The following MORC1 variants were observed in gnomAD, a reference collection of about 807,000 sequenced individuals.
The protein encoded by MORC1 is MORC family CW-type zinc finger protein 1.
In MORC1, 59 loss-of-function variants were observed where a neutral mutation model predicts 134.9. The ratio of observed to expected loss-of-function variants is 0.44; its 90% CI spans 0.35 to 0.54. The LOEUF (loss-of-function observed/expected upper bound fraction) is 0.54, where lower values mean the gene tolerates loss of function less well. MORC1 is among the 20% of genes least tolerant of loss of function. The probability of loss-of-function intolerance (pLI) is 0.00; values close to 1 mark genes in which losing one functional copy is unlikely to be tolerated. For synonymous variants in MORC1, 395 were observed against 391.7 expected, an observed-to-expected ratio of 1.01 and a Z score of -0.10; for missense variants, 947 against 1,134.5, an observed-to-expected ratio of 0.83 and a Z score of 2.37.
chr3:108,962,163 T>C (rs1947097657), intron 27 of MORC1, among the ~76,000 whole-genome samples: 1 of 152,034 alleles, frequency 6.6e-6, no homozygotes, highest in Admixed American at 6.6e-5. Context: ...TACCTTTATA[T>C]AAAAATTAGC....
At chr3:109,072,970 C>CACAT (rs1950350924) in intron 8 of MORC1, among the ~76,000 whole-genome samples, 2 of 89,044 alleles carry the variant, frequency 2.2e-5, no homozygotes, top group South Asian at 7.2e-4. Context: ...CACACATACA[C>CACAT]ACACACACAC....
chr3:109,029,049 G>A (rs967770077), intron 16 of MORC1, among the ~76,000 whole-genome samples: 1 of 152,164 alleles, frequency 6.6e-6, no homozygotes, highest in African/African-American at 2.4e-5. Context: ...ATCTGAAACA[G>A]TGAGGGAAAA....
At chr3:109,115,515 T>C (rs1951252026) in intron 1 of MORC1, among the ~76,000 whole-genome samples, 1 of 152,100 alleles carries the variant, frequency 6.6e-6, no homozygotes, top group African/African-American at 2.4e-5. Flanking sequence ...AAGAAAGCCA[T>C]TATAAAAATG....
chr3:108,969,115 A>T (rs1215138827), intron 26 of MORC1, among the ~76,000 whole-genome samples: 1 of 152,164 alleles, frequency 6.6e-6, no homozygotes, highest in Admixed American at 6.6e-5. Context: ...TTAAAAAAAA[A>T]TCTACCCAGA....
intron 8 of MORC1, among the ~76,000 whole-genome samples, chr3:109,091,213 G>T (rs1210338943): frequency 6.6e-6 from 1 of 151,898 alleles, no homozygotes; most frequent in East Asian, 1.9e-4. Flanking sequence ...GCAGGCTGGG[G>T]GAGTAGATCA....
chr3:108,996,286 G>GCGCGCGCACA, intron 21 of MORC1, among the ~76,000 whole-genome samples: 34 of 146,468 alleles, frequency 2.3e-4, no homozygotes, highest in Middle Eastern at 3.5e-3. Context: ...GCGCGCGCGC[G>GCGCGCGCACA]CACACACACA....
intron 18 of MORC1, among the ~76,000 whole-genome samples, chr3:109,005,587 A>T (rs541589060): frequency 1.3e-5 from 2 of 152,254 alleles, no homozygotes; most frequent in South Asian, 4.2e-4. Context: ...GTGCATTCTG[A>T]CTTTCCCCCA....
intron 17 of MORC1, among the ~76,000 whole-genome samples, chr3:109,010,967 G>A (rs1948667554): frequency 1.3e-5 from 2 of 152,200 alleles, no homozygotes; most frequent in Non-Finnish European, 2.9e-5. Flanking sequence ...AAGCACACAT[G>A]TACAAGTTTT....
At chr3:108,988,670 GT>G (rs1444851256) in intron 21 of MORC1, among the ~76,000 whole-genome samples, 1 of 151,980 alleles carries the variant, frequency 6.6e-6, no homozygotes, top group African/African-American at 2.4e-5. Flanking sequence ...TAAGCACTTT[GT>G]TATAATCCAT....
chr3:108,963,286 CAG>C (rs1184604167), intron 27 of MORC1, 126 bp downstream of exon 27: 1 of 682,542 alleles, frequency 1.5e-6, no homozygotes, highest in Admixed American at 2.9e-5. Flanking sequence ...AATCCTTATG[CAG>C]AGAGTAAGGG....
At chr3:109,069,285 T>C (rs924057143) in intron 9 of MORC1, among the ~76,000 whole-genome samples, 1 of 152,172 alleles carries the variant, frequency 6.6e-6, no homozygotes, top group South Asian at 2.1e-4. Flanking sequence ...ATATATATGG[T>C]TTAATAGTTC....
rs1949362185 is a variant in MORC1 at position 109,035,599 on chromosome 3, G to A, written c.1331-131C>T. ...TATTAATACATATACAGAAATAAGA[G>A]ATTAAAATATCAATATTGGTTGTCT... On this transcript the variant is annotated intron_variant, in intron 14 of 27. Coordinates refer to ENST00000232603, the MANE Select transcript of MORC1 (RefSeq NM_014429.4). 1.8e-5 allele frequency: 9 copies of A among 502,160 alleles called. No homozygotes were observed. The East Asian group carries it at 3.1e-4, about 17-fold the overall frequency. The allele number at this position is 502,160 out of a possible 1,614,324, so 31.1% of individuals were successfully genotyped here.
chr3:109,084,270 C>T (rs528885163), intron 8 of MORC1, among the ~76,000 whole-genome samples: 3 of 152,198 alleles, frequency 2.0e-5, no homozygotes, highest in East Asian at 1.9e-4. Flanking sequence ...AAAGACACCA[C>T]CAGCAAACTG....
At chr3:109,012,159 GAT>G (rs71106620) in intron 17 of MORC1, among the ~76,000 whole-genome samples, 7,944 of 152,168 alleles carry the variant, frequency 0.052, 479 homozygotes, top group African/African-American at 0.14. Context: ...TATTTTGGGG[GAT>G]ATATGGCTAT....
At position 109,069,909 on chromosome 3, in the gene MORC1, CA is replaced by C. The variant is rs1269372213; in HGVS notation, c.690-153del. ...AAACTAATGACACCACAAACACCAG[CA>C]AATATCACAACACTCACTTCATTAA... is the stretch of plus-strand genomic sequence containing the variant. On this transcript the variant is annotated intron_variant, in intron 8 of 27. Transcript: ENST00000232603. The C allele has an allele frequency of 8.2e-6, 6 of 732,538 alleles. No individual in the cohort carries two copies. In the African/African-American group the frequency reaches 8.9e-5, roughly 11 times the overall value. 45.4% of individuals were successfully genotyped at this position (732,538 alleles called of 1,614,324 possible). A position where few individuals can be genotyped will look rare whatever the true frequency, so the allele number is the denominator to read the frequency against.
At chr3:109,027,706 T>C (rs762008465) in intron 17 of MORC1, 45 bp downstream of exon 17, 2 of 1,611,896 alleles carry the variant, frequency 1.2e-6, no homozygotes, top group South Asian at 2.2e-5. Flanking sequence ...AAACCAACAG[T>C]TAAAGAGTCA....
At chr3:108,974,029 T>C (rs549378495) in intron 24 of MORC1, among the ~76,000 whole-genome samples, 1 of 152,236 alleles carries the variant, frequency 6.6e-6, no homozygotes, top group East Asian at 1.9e-4. Flanking sequence ...TTCCTGGCTA[T>C]TACAGACACC....
chr3:109,069,836 A>G, intron 8 of MORC1, 79 bp from the exon 9 acceptor site: 5 of 1,423,948 alleles, frequency 3.5e-6, no homozygotes, highest in Non-Finnish European at 4.7e-6. Context: ...ACATCAGACT[A>G]TCAGGTTATT....
chr3:108,976,809 TAG>T (rs1163332838), intron 24 of MORC1, among the ~76,000 whole-genome samples: 2 of 152,328 alleles, frequency 1.3e-5, no homozygotes, highest in East Asian at 1.9e-4. Flanking sequence ...GCCTGTTCAT[TAG>T]AGTTTCTGGG....
Sources: gnomAD v4.1 joint callset for allele counts (sites outside exome capture counted in the v4.1 genomes callset) on GRCh38, gnomAD v4.1.1 for gene constraint, MANE v1.5 for transcripts, NCBI Gene and HGNC (gene_info 2026-07-23, HGNC 2026-07-21) for gene names.